The following CDH13 variants were observed in gnomAD, a reference collection of about 807,000 sequenced individuals.
CDH13 encodes cadherin 13.
CDH13 carries 24 observed loss-of-function variants against 63.8 expected under a neutral mutation model. The ratio of observed to expected loss-of-function variants is 0.38; its 90% CI spans 0.27 to 0.53. CDH13 has a LOEUF of 0.53. CDH13 is among the 20% of genes least tolerant of loss of function. CDH13 has a pLI of 0.85. For missense variants in CDH13, 1,049 were observed against 903.1 expected, an observed-to-expected ratio of 1.16 and a Z score of -2.07; for synonymous variants, 503 against 355.3, an observed-to-expected ratio of 1.42 and a Z score of -4.67.
chr16:83,017,252 C>T (rs892640639), intron 2 of CDH13, among the ~76,000 whole-genome samples: 4 of 152,162 alleles, frequency 2.6e-5, no homozygotes, highest in Non-Finnish European at 5.9e-5. Context: ...GGTCTTCTGG[C>T]ATCTGCTGTC....
intron 1 of CDH13, among the ~76,000 whole-genome samples, chr16:82,761,109 T>C (rs1412551407): frequency 1.4e-5 from 2 of 141,958 alleles, no homozygotes; most frequent in Middle Eastern, 3.7e-3. Flanking sequence ...CTGCAACCTC[T>C]GCCTTCCAGG....
intron 6 of CDH13, among the ~76,000 whole-genome samples, chr16:83,472,335 G>A (rs1425243426): frequency 2.0e-5 from 3 of 152,178 alleles, no homozygotes; most frequent in African/African-American, 4.8e-5. Flanking sequence ...GGTGCCCTGT[G>A]GTTGCAACAA....
At chr16:83,342,854 T>TG (rs1319138085) in intron 5 of CDH13, among the ~76,000 whole-genome samples, 4 of 145,536 alleles carry the variant, frequency 2.7e-5, no homozygotes, top group East Asian at 2.0e-4. Flanking sequence ...TTTTTTTTTT[T>TG]TTTTTTTTTT....
intron 6 of CDH13, among the ~76,000 whole-genome samples, chr16:83,381,440 T>A (rs918397989): frequency 1.3e-5 from 2 of 152,070 alleles, no homozygotes; most frequent in African/African-American, 4.8e-5. Flanking sequence ...TCCCTATCCA[T>A]GTTCATGATT....
chr16:82,991,648 T>G (rs1440219437), intron 2 of CDH13, among the ~76,000 whole-genome samples: 1 of 152,176 alleles, frequency 6.6e-6, no homozygotes, highest in African/African-American at 2.4e-5. Context: ...AAAGGGCAAG[T>G]CATGATCTGA....
chr16:83,434,594 A>T (rs1462335468), intron 6 of CDH13, among the ~76,000 whole-genome samples: 5 of 151,744 alleles, frequency 3.3e-5, no homozygotes, highest in African/African-American at 1.2e-4. Context: ...AAAAAGAAAA[A>T]ACAGATCCAT....
chr16:83,131,817 C>T (rs1351777331), intron 4 of CDH13, among the ~76,000 whole-genome samples: 1 of 152,124 alleles, frequency 6.6e-6, no homozygotes, highest in Non-Finnish European at 1.5e-5. Context: ...ATTTAGAAGG[C>T]CATCTTTAAC....
At chr16:83,457,038 T>C (rs1182661345) in intron 6 of CDH13, among the ~76,000 whole-genome samples, 3 of 152,138 alleles carry the variant, frequency 2.0e-5, no homozygotes, top group African/African-American at 2.4e-5. Flanking sequence ...GGCAGGTTAC[T>C]AGGGGTCTGA....
intron 5 of CDH13, among the ~76,000 whole-genome samples, chr16:83,293,530 A>C (rs1033516248): frequency 6.6e-6 from 1 of 152,206 alleles, no homozygotes; most frequent in Non-Finnish European, 1.5e-5. Flanking sequence ...CGTCATCTTT[A>C]TAGACTCAGA....
intron 1 of CDH13, among the ~76,000 whole-genome samples, chr16:82,731,467 A>G (rs1294504105): frequency 1.3e-5 from 2 of 152,242 alleles, no homozygotes; most frequent in Non-Finnish European, 2.9e-5. Flanking sequence ...TACATTGTAT[A>G]TTGCCCCCCA....
At chr16:83,719,630 A>G in intron 10 of CDH13, among the ~76,000 whole-genome samples, 1 of 152,310 alleles carries the variant, frequency 6.6e-6, no homozygotes, top group African/African-American at 2.4e-5. Flanking sequence ...CACACCTCAC[A>G]TGTAAGAATT....
intron 3 of CDH13, among the ~76,000 whole-genome samples, chr16:83,037,421 C>G (rs559819108): frequency 7.9e-5 from 12 of 152,120 alleles, no homozygotes; most frequent in Non-Finnish European, 1.0e-4. Flanking sequence ...TGCCATTGCC[C>G]ATGGGTCTAG....
At chr16:83,218,994 C>A (rs1470248087) in intron 5 of CDH13, among the ~76,000 whole-genome samples, 1 of 152,172 alleles carries the variant, frequency 6.6e-6, no homozygotes, top group African/African-American at 2.4e-5. Context: ...CCTCCCCAGC[C>A]ATGTGGAACT....
At chr16:83,396,581 C>G (rs2091889986) in intron 6 of CDH13, 2 of 152,082 alleles carry the variant, frequency 1.3e-5, no homozygotes, top group Non-Finnish European at 2.9e-5. Flanking sequence ...GGGTTAAGCT[C>G]TATGTTGGCT....
At chr16:83,309,675 C>G (rs111485972) in intron 5 of CDH13, among the ~76,000 whole-genome samples, 1 of 152,192 alleles carries the variant, frequency 6.6e-6, no homozygotes, top group Non-Finnish European at 1.5e-5. Flanking sequence ...ACGCCCAGCC[C>G]CCTCCTTCTG....
intron 4 of CDH13, among the ~76,000 whole-genome samples, chr16:83,148,937 C>G (rs979872609): frequency 6.6e-6 from 1 of 152,120 alleles, no homozygotes; most frequent in Admixed American, 6.5e-5. Context: ...CACTCATTAT[C>G]TTAAATTAAG....
chr16:83,446,162 G>T (rs189280766), intron 6 of CDH13, among the ~76,000 whole-genome samples: 1 of 152,046 alleles, frequency 6.6e-6, no homozygotes, highest in East Asian at 1.9e-4. Flanking sequence ...AATTTTCTAG[G>T]CATGGTGGCA....
At chr16:83,739,602 G>C (rs1288880590) in intron 10 of CDH13, among the ~76,000 whole-genome samples, 1 of 152,178 alleles carries the variant, frequency 6.6e-6, no homozygotes, top group Non-Finnish European at 1.5e-5. Flanking sequence ...GCATGTATCA[G>C]ATCCAAGGCA....
At chr16:82,676,656 C>T (rs371105750) in intron 1 of CDH13, among the ~76,000 whole-genome samples, 12 of 152,186 alleles carry the variant, frequency 7.9e-5, no homozygotes, top group Admixed American at 4.6e-4. Flanking sequence ...CAAAATCCTT[C>T]AGTGGCCTGC....
Sources: gnomAD v4.1 joint callset for allele counts (sites outside exome capture counted in the v4.1 genomes callset) on GRCh38, gnomAD v4.1.1 for gene constraint, MANE v1.5 for transcripts, NCBI Gene and HGNC (gene_info 2026-07-23, HGNC 2026-07-21) for gene names.